CLVS1: variants seen among roughly 807,000 people sequenced by gnomAD.
CLVS1 encodes the protein clavesin 1, also known as clavesin-1.
CLVS1 carries 10 observed loss-of-function variants against 33.1 expected under a neutral mutation model. The observed-to-expected ratio is 0.30, with a 90% CI of 0.19 to 0.51. The LOEUF is 0.51. Among genes scored for constraint, CLVS1 ranks in the 20% least tolerant of loss-of-function variants. The pLI is 0.97. For synonymous variants in CLVS1, 163 were observed against 166.1 expected (o/e 0.98, Z 0.14); for missense variants, 343 against 433.4 (o/e 0.79, Z 1.85).
chr8:61,250,381 G>A (rs1202140791), intron 2 of CLVS1, among the ~76,000 whole-genome samples: 1 of 152,158 alleles, frequency 6.6e-6, no homozygotes, highest in African/African-American at 2.4e-5. Context: ...TTTTGGCTTA[G>A]GATTATCTTG....
chr8:61,071,428 T>C (rs1408658702), intron 1 of CLVS1, among the ~76,000 whole-genome samples: 1 of 152,198 alleles, frequency 6.6e-6, no homozygotes, highest in East Asian at 1.9e-4. Context: ...GTTAACCTCT[T>C]GCTTCCATAA....
At chr8:61,244,173 T>C (rs1808760351) in intron 2 of CLVS1, among the ~76,000 whole-genome samples, 1 of 142,824 alleles carries the variant, frequency 7.0e-6, no homozygotes, top group Non-Finnish European at 1.6e-5. Context: ...CAGTGCAGTA[T>C]AGGGCATTGC....
At chr8:61,402,913 A>G (rs1814826181) in intron 3 of CLVS1, among the ~76,000 whole-genome samples, 1 of 152,230 alleles carries the variant, frequency 6.6e-6, no homozygotes, top group African/African-American at 2.4e-5. Context: ...AGGCAGACAA[A>G]AAAACAATGT....
At chr8:61,200,694 CT>C (rs1807709401) in intron 2 of CLVS1, among the ~76,000 whole-genome samples, 1 of 152,132 alleles carries the variant, frequency 6.6e-6, no homozygotes, top group South Asian at 2.1e-4. Flanking sequence ...ACCAATTTGT[CT>C]TTTACTAATG....
At chr8:61,105,312 G>GCA (rs973849960) in intron 1 of CLVS1, among the ~76,000 whole-genome samples, 1 of 152,016 alleles carries the variant, frequency 6.6e-6, no homozygotes, top group African/African-American at 2.4e-5. Flanking sequence ...ACACATACAT[G>GCA]CACACACACA....
chr8:61,455,780 G>T (rs1221748390), intron 4 of CLVS1, among the ~76,000 whole-genome samples: 1 of 152,140 alleles, frequency 6.6e-6, no homozygotes, highest in Admixed American at 6.5e-5. Context: ...GAATAGCTCT[G>T]AGTATTCAGG....
intron 5 of CLVS1, among the ~76,000 whole-genome samples, chr8:61,472,693 A>C (rs913780679): frequency 6.6e-6 from 1 of 152,198 alleles, no homozygotes; most frequent in African/African-American, 2.4e-5. Context: ...ATAATCATTG[A>C]GTATACATTA....
Position 61,500,164 on chromosome 8 carries a change from T to G in CLVS1, c.*622T>G, listed in dbSNP as rs1804553006. On this transcript the variant is annotated 3_prime_UTR_variant, in exon 6 of 6. Transcript: ENST00000325897. ...TGCAAAAAATTATTTTGATGTCACATCTCTTGTCAGGTCACTAGCTGACTG... is the reference window on the plus strand; with the variant it reads ...TGCAAAAAATTATTTTGATGTCACAGCTCTTGTCAGGTCACTAGCTGACTG... 6.6e-6 allele frequency: 1 copy of G among 152,594 alleles called. No individual in the cohort carries two copies. The highest frequency in any genetic ancestry group is 2.4e-5 in the African/African-American group (1 of 41,450). The allele number at this position is 152,594 out of a possible 1,614,324, so 9.5% of individuals were successfully genotyped here.
intron 1 of CLVS1, among the ~76,000 whole-genome samples, chr8:61,111,424 C>T (rs1585617738): frequency 6.6e-6 from 1 of 152,200 alleles, no homozygotes; most frequent in African/African-American, 2.4e-5. Flanking sequence ...TTGGTACAGG[C>T]TGACATGCTA....
chr8:61,284,776 A>G (rs1429436084), upstream of CLVS1, among the ~76,000 whole-genome samples: 2 of 152,220 alleles, frequency 1.3e-5, no homozygotes, highest in Non-Finnish European at 2.9e-5. Context: ...TGTTAAAACT[A>G]AATATTTATG....
chr8:61,444,611 C>T (rs541686614), intron 3 of CLVS1, among the ~76,000 whole-genome samples: 69 of 152,304 alleles, frequency 4.5e-4, no homozygotes, highest in Admixed American at 6.5e-4. Context: ...AAGTTTGTTA[C>T]ACTCACAGAT....
chr8:61,220,828 T>C (rs1808194144), intron 2 of CLVS1, among the ~76,000 whole-genome samples: 1 of 152,168 alleles, frequency 6.6e-6, no homozygotes, highest in Non-Finnish European at 1.5e-5. Context: ...TGTCCTCTCT[T>C]ATTTCCTTGA....
At chr8:61,077,941 T>G (rs1173261215) in intron 1 of CLVS1, among the ~76,000 whole-genome samples, 1 of 152,100 alleles carries the variant, frequency 6.6e-6, no homozygotes, top group Non-Finnish European at 1.5e-5. Flanking sequence ...GCTCCTCGGG[T>G]GGCTTTTGTG....
intron 2 of CLVS1, among the ~76,000 whole-genome samples, chr8:61,315,709 G>A (rs1035503415): frequency 1.3e-4 from 20 of 152,080 alleles, no homozygotes; most frequent in African/African-American, 4.8e-4. Context: ...TTGAATAAGT[G>A]GCACCCCTTA....
chr8:61,172,911 C>T (rs1001207030), intron 2 of CLVS1, among the ~76,000 whole-genome samples: 1 of 152,144 alleles, frequency 6.6e-6, no homozygotes, highest in African/African-American at 2.4e-5. Context: ...TTGCTCCAGA[C>T]TTGAAAGTGG....
the CLVS1 span, among the ~76,000 whole-genome samples, chr8:60,976,631 C>A: frequency 6.6e-6 from 1 of 152,242 alleles, no homozygotes; most frequent in African/African-American, 2.4e-5. Flanking sequence ...TAGGAACGGT[C>A]TGAATCAACT....
intron 5 of CLVS1, among the ~76,000 whole-genome samples, chr8:61,460,841 C>G (rs1002429849): frequency 2.2e-4 from 33 of 152,324 alleles, no homozygotes; most frequent in Admixed American, 1.0e-3. Context: ...CATTGCTTTG[C>G]CTGTGCTTTG....
At chr8:61,097,918 T>G (rs369220730) in intron 1 of CLVS1, among the ~76,000 whole-genome samples, 51 of 152,260 alleles carry the variant, frequency 3.3e-4, no homozygotes, top group African/African-American at 1.1e-3. Flanking sequence ...TCCCTAAAAG[T>G]TCTTCCAGAA....
chr8:61,251,622 T>C (rs1808950939), intron 2 of CLVS1, among the ~76,000 whole-genome samples: 1 of 152,218 alleles, frequency 6.6e-6, no homozygotes, highest in South Asian at 2.1e-4. Flanking sequence ...GAATTTGACT[T>C]CTTCCTGGTT....
Sources: allele counts gnomAD v4.1 joint callset (sites outside exome capture counted in the v4.1 genomes callset), GRCh38; gene constraint gnomAD v4.1.1; transcripts MANE v1.5; gene names NCBI Gene and HGNC (gene_info 2026-07-23, HGNC 2026-07-21).